The following AFF2 variants were observed in gnomAD, a reference collection of about 807,000 sequenced individuals.
AFF2 encodes the protein ALF transcription elongation factor 2.
A neutral mutation model predicts 76.9 loss-of-function variants in AFF2; 14 were observed. That is an observed-to-expected ratio of 0.18 (90% confidence interval 0.12 to 0.28). The LOEUF is 0.28. Among genes scored for constraint, AFF2 ranks in the 10% least tolerant of loss-of-function variants. The pLI, the probability that AFF2 is intolerant of heterozygous loss-of-function variation, is 1.00. For synonymous variants in AFF2, 398 were observed against 366.7 expected, an observed-to-expected ratio of 1.09 and a Z score of -0.98; for missense variants, 868 against 1,001.1, an observed-to-expected ratio of 0.87 and a Z score of 1.79.
At chrX:148,702,648 G>C (rs1203151744) in intron 3 of AFF2, among the ~76,000 whole-genome samples, 3 of 111,600 alleles carry the variant, frequency 2.7e-5, no homozygotes, top group African/African-American at 9.8e-5. Flanking sequence ...CTGAACAGGG[G>C]ATTCCTGTGA....
intron 3 of AFF2, among the ~76,000 whole-genome samples, chrX:148,798,803 C>G (rs1022942308): frequency 1.5e-4 from 17 of 112,210 alleles, no homozygotes; most frequent in Admixed American, 2.8e-4. Flanking sequence ...CCATGTATCA[C>G]TCCTTCTTTG....
chrX:148,675,104 G>C (rs782806641), intron 3 of AFF2, among the ~76,000 whole-genome samples: 9 of 111,479 alleles, frequency 8.1e-5, no homozygotes, highest in Non-Finnish European at 1.5e-4. Context: ...TTCTGGAGGA[G>C]GCTAGAAATT....
intron 1 of AFF2, among the ~76,000 whole-genome samples, chrX:148,537,614 G>A (rs1347272460): frequency 6.4e-5 from 7 of 109,768 alleles, no homozygotes; most frequent in African/African-American, 2.0e-4. Context: ...TTATGCTCTA[G>A]GGCATATAGT....
chrX:148,855,144 C>T (rs1251614923), intron 7 of AFF2, among the ~76,000 whole-genome samples: 1 of 111,517 alleles, frequency 9.0e-6, no homozygotes, highest in Non-Finnish European at 1.9e-5. Context: ...AGTGGTGGGA[C>T]AGTACCTTGA....
chrX:148,874,600 T>C (rs964942391), intron 7 of AFF2, among the ~76,000 whole-genome samples: 5 of 112,151 alleles, frequency 4.5e-5, no homozygotes, highest in Non-Finnish European at 9.4e-5. Context: ...GAGCCCTTGA[T>C]TGTTAGACAA....
chrX:148,524,201 A>G (rs1411057951), intron 1 of AFF2, among the ~76,000 whole-genome samples: 1 of 100,786 alleles, frequency 9.9e-6, no homozygotes, highest in Non-Finnish European at 2.0e-5. Flanking sequence ...CTAGTCTTTT[A>G]ATGTGCATGA....
At chrX:148,658,486 T>A (rs1557257405) in intron 2 of AFF2, among the ~76,000 whole-genome samples, 1 of 112,115 alleles carries the variant, frequency 8.9e-6, no homozygotes, top group Non-Finnish European at 1.9e-5. Context: ...GCCTGGATTG[T>A]ATTAGCCTAG....
intron 1 of AFF2, among the ~76,000 whole-genome samples, chrX:148,534,361 A>G (rs782445106): frequency 8.9e-6 from 1 of 112,794 alleles, no homozygotes; most frequent in Non-Finnish European, 1.9e-5. Flanking sequence ...AATGATACAC[A>G]TAGGTGAAAG....
At position 148,780,134 on chromosome X, in the gene AFF2, T is replaced by C. The variant is rs782438028; in HGVS notation, c.1042-29742T>C. ...GAGATCTGCTGTTAATCGAATAGGC[T>C]TCCCTTTGTGGGTAACCCAACCTTT... On this transcript the variant is annotated intron_variant, in intron 3 of 20. Coordinates refer to ENST00000370460, the MANE Select transcript of AFF2 (RefSeq NM_002025.4). 3.6e-5 allele frequency among the ~76,000 whole-genome samples: 4 copies of C among 112,597 alleles called. No individual in the cohort carries two copies. The South Asian group carries it at 1.5e-3, about 42-fold the overall frequency.
chrX:148,683,515 T>A (rs1444514966), intron 3 of AFF2, among the ~76,000 whole-genome samples: 1 of 112,205 alleles, frequency 8.9e-6, no homozygotes, highest in Non-Finnish European at 1.9e-5. Context: ...TACCCTGCTT[T>A]CTTGCGAATG....
intron 3 of AFF2, among the ~76,000 whole-genome samples, chrX:148,747,947 C>CA (rs782187542): frequency 2.0e-4 from 22 of 109,626 alleles, no homozygotes; most frequent in South Asian, 1.1e-3. Flanking sequence ...AACAGTGCAA[C>CA]AAAAAAAAAT....
intron 3 of AFF2, among the ~76,000 whole-genome samples, chrX:148,669,770 C>T (rs1336931506): frequency 9.0e-6 from 1 of 111,368 alleles, no homozygotes; most frequent in East Asian, 2.8e-4. Flanking sequence ...AGGTATATCA[C>T]CAGTTTATTT....
rs2072562603 is a variant in AFF2, at chrX:148,993,936, G to A, written c.*2604G>A. 1 of 112,325 alleles carries A rather than the reference G, an allele frequency of 8.9e-6. No individual in the cohort carries two copies. Among genetic ancestry groups the A allele is most frequent in the African/African-American group, 3.3e-5 (1 of 30,727 alleles). 9.3% of individuals were successfully genotyped at this position (112,325 alleles called of 1,213,427 possible). On this transcript the variant is annotated 3_prime_UTR_variant, in exon 21 of 21. Coordinates refer to ENST00000370460, the MANE Select transcript of AFF2 (RefSeq NM_002025.4). ...TTACTCTGTTCATCACAGTGTAAAT[G>A]GTGATGCGTGTCGTAGGTGTGCAGC...
chrX:148,545,895 G>A (rs188660819), intron 1 of AFF2, among the ~76,000 whole-genome samples: 1 of 111,576 alleles, frequency 9.0e-6, no homozygotes, highest in Admixed American at 9.5e-5. Context: ...CGTGATTAAT[G>A]TGTTGATTAA....
In AFF2 at chrX:148,958,454, A is replaced by G. The variant is rs782655593; in HGVS notation, c.2686A>G (p.Arg896Gly). 42 of 1,209,087 alleles carry G rather than the reference A, an allele frequency of 3.5e-5. No homozygotes were observed. In the South Asian group the frequency reaches 7.4e-4, roughly 21 times the overall value. Residue 896 changes from arginine to glycine, a missense_variant, in exon 12 of 21, where the codon AGA (arginine) becomes GGA (glycine). By Grantham distance (125) the Arg-to-Gly change is moderately radical. This residue lies in a region of AFF2 where 532 missense variants were observed against 564.2 expected (regional missense o/e 0.94). Transcript: ENST00000370460. ...CCCACCCCACAAGCCTCCCAACACT[A>G]GAGAGTGAGTTTGCCCTGGCCCTGT... ...PAPPHKPPNT[R>G]ENNSSRRANR... is the part of the protein sequence containing the mutation.
At chrX:148,916,924 A>G (rs1457994239) in intron 9 of AFF2, among the ~76,000 whole-genome samples, 3 of 112,181 alleles carry the variant, frequency 2.7e-5, no homozygotes, top group Non-Finnish European at 3.8e-5. Flanking sequence ...ACAGCTCAGT[A>G]TCTTGAATGA....
At chrX:148,502,786 T>C (rs1269255929) in intron 1 of AFF2, among the ~76,000 whole-genome samples, 3 of 112,705 alleles carry the variant, frequency 2.7e-5, no homozygotes, top group African/African-American at 9.7e-5. Flanking sequence ...ATTTCATGGG[T>C]ATAGTTCAAA....
chrX:148,749,947 CTTTATTTATTTATTTA>C (rs56019532), intron 3 of AFF2, among the ~76,000 whole-genome samples: 1 of 101,762 alleles, frequency 9.8e-6, no homozygotes, highest in South Asian at 4.3e-4. Flanking sequence ...GGCCTGCACC[CTTTATTTATTTATTTA>C]TTTATTTATT....
chrX:148,834,602 C>CT, intron 4 of AFF2, among the ~76,000 whole-genome samples: 1 of 109,767 alleles, frequency 9.1e-6, no homozygotes, highest in East Asian at 2.9e-4. Context: ...TGTACAGGTA[C>CT]TCATCATTGG....
Sources: allele counts gnomAD v4.1 joint callset (sites outside exome capture counted in the v4.1 genomes callset), GRCh38; gene constraint gnomAD v4.1.1; regional missense constraint gnomAD v4.1.1; transcripts MANE v1.5; gene names NCBI Gene and HGNC (gene_info 2026-07-23, HGNC 2026-07-21).